The following C2CD2 variants were observed in gnomAD, a reference collection of about 807,000 sequenced individuals.
C2CD2 encodes the protein C2 domain-containing protein 2.
C2CD2 carries 43 observed loss-of-function variants against 74.3 expected under a neutral mutation model. That is an observed-to-expected ratio of 0.58 (90% CI 0.45 to 0.75). The LOEUF (loss-of-function observed/expected upper bound fraction) is 0.75, where lower values mean the gene tolerates loss of function less well. Among genes scored for constraint, C2CD2 ranks in the 30% least tolerant of loss-of-function variants. The probability of loss-of-function intolerance (pLI) is 0.00; values close to 1 mark genes in which losing one functional copy is unlikely to be tolerated. For missense variants in C2CD2, 801 were observed against 916.3 expected (o/e 0.87, Z 1.63); for synonymous variants, 422 against 390.7 (o/e 1.08, Z -0.94).
chr21:41,925,872 G>C (rs1039248270), intron 2 of C2CD2, among the ~76,000 whole-genome samples: 1 of 152,124 alleles, frequency 6.6e-6, no homozygotes, highest in Non-Finnish European at 1.5e-5. Context: ...CGAGTGGGTA[G>C]AGACCCTGAT....
At position 41,952,903 on chromosome 21, in the gene C2CD2, T is replaced by A. The variant is rs139431231; in HGVS notation, c.279+467A>T. On this transcript the variant is annotated intron_variant, in intron 1 of 13. Transcript: ENST00000380486. ...GCTGGCCCTCAGCAAACGGTCACTA[T>A]TTTTATATGCCAAGAAATGCAAGTC... 398 of 155,524 alleles carry A rather than the reference T, an allele frequency of 2.6e-3. 2 individuals carry two copies. The highest frequency in any genetic ancestry group is 9.3e-3 in the African/African-American group (387 of 41,732). 9.6% of individuals were successfully genotyped at this position (155,524 alleles called of 1,614,324 possible). A position where few individuals can be genotyped will look rare whatever the true frequency, so the allele number is the denominator to read the frequency against.
chr21:41,934,231 C>T (rs978501012), intron 2 of C2CD2, among the ~76,000 whole-genome samples: 1 of 151,982 alleles, frequency 6.6e-6, no homozygotes, highest in South Asian at 2.1e-4. Flanking sequence ...AGTTCAAGAC[C>T]AACCTGGGCT....
Position 41,926,215 on chromosome 21 carries a change from AT to A in C2CD2, c.379-4131del, listed in dbSNP as rs986385228. Among the ~76,000 whole-genome samples, 8 of 152,012 alleles carry A rather than the reference AT, an allele frequency of 5.3e-5. No homozygotes were observed. The highest frequency in any genetic ancestry group is 1.3e-4 in the Admixed American group (2 of 15,254). On this transcript the variant is annotated intron_variant, in intron 2 of 13. Coordinates refer to ENST00000380486, the MANE Select transcript of C2CD2 (RefSeq NM_015500.2). This position sits in a 1 kb window ranked among gnomAD's most constrained non-coding sequence, Gnocchi z 8.0. The stretch of plus-strand genomic sequence containing the variant: ...ATCCCCCAACCTGCATTTTTTTGAC[AT>A]TTTTTTTCCCCAAAACAAGCAAAGA...
rs2065218933 is a variant in C2CD2 at position 41,926,932 on chromosome 21, C to T, written c.379-4847G>A. 6.6e-6 allele frequency among the ~76,000 whole-genome samples: 1 copy of T among 152,136 alleles called. No individual in the cohort carries two copies. Among genetic ancestry groups the T allele is most frequent in the African/African-American group, 2.4e-5 (1 of 41,416 alleles). ...TCCCAAATAAAAGGAAGGCAAAGACCCTTCAGTAATCATCTGGATTTCCTA... is the reference window on the plus strand; with the variant it reads ...TCCCAAATAAAAGGAAGGCAAAGACTCTTCAGTAATCATCTGGATTTCCTA... On this transcript the variant is annotated intron_variant, in intron 2 of 13. Transcript: ENST00000380486. This position sits in a 1 kb window ranked among gnomAD's most constrained non-coding sequence, Gnocchi z 8.0.
At chr21:41,907,228 G>T in intron 9 of C2CD2, 62 bp from the exon 10 acceptor site, 1 of 1,279,042 alleles carries the variant, frequency 7.8e-7, no homozygotes, top group Non-Finnish European at 1.1e-6. Flanking sequence ...TGATCAGCCA[G>T]GTAACACTGC....
chr21:41,942,015 G>A, intron 2 of C2CD2, 132 bp downstream of exon 2: 2 of 1,197,326 alleles, frequency 1.7e-6, no homozygotes, highest in East Asian at 2.7e-5. Flanking sequence ...ATCAGCTGAT[G>A]GGCCAGATGG....
chr21:41,930,912 G>T (rs530518600), intron 2 of C2CD2, among the ~76,000 whole-genome samples: 10 of 150,048 alleles, frequency 6.7e-5, no homozygotes, highest in Middle Eastern at 6.8e-3. Flanking sequence ...ACGTGCCAGG[G>T]AAGGGCTGTG....
chr21:41,949,555 G>C (rs2065433017), intron 1 of C2CD2, among the ~76,000 whole-genome samples: 1 of 152,178 alleles, frequency 6.6e-6, no homozygotes, highest in South Asian at 2.1e-4. Context: ...GTGTAAATTA[G>C]TTCAACCATT....
At chr21:41,912,929 C>G (rs956563787) in intron 6 of C2CD2, among the ~76,000 whole-genome samples, 2 of 152,218 alleles carry the variant, frequency 1.3e-5, no homozygotes, top group African/African-American at 4.8e-5. Flanking sequence ...ATAGCACCAG[C>G]CTTTATTGGA....
intron 8 of C2CD2, 38 bp from the exon 9 acceptor site, chr21:41,907,822 G>A (rs1179106349): frequency 6.2e-7 from 1 of 1,613,188 alleles, no homozygotes. Flanking sequence ...TGCCGCTGAT[G>A]TTTCCCGGGC....
At chr21:41,937,118 A>AT (rs765087641) in intron 2 of C2CD2, among the ~76,000 whole-genome samples, 339 of 124,110 alleles carry the variant, frequency 2.7e-3, no homozygotes, top group African/African-American at 9.6e-3. Flanking sequence ...CGCACCCAGC[A>AT]TTTTTTTTTC....
At chr21:41,898,402 C>T (rs2064849413) in intron 13 of C2CD2, among the ~76,000 whole-genome samples, 1 of 152,186 alleles carries the variant, frequency 6.6e-6, no homozygotes, top group Non-Finnish European at 1.5e-5. Context: ...ATGTCCTTAG[C>T]AAATACATTC....
At chr21:41,950,989 C>T (rs965888180) in intron 1 of C2CD2, among the ~76,000 whole-genome samples, 1 of 152,084 alleles carries the variant, frequency 6.6e-6, no homozygotes, top group Non-Finnish European at 1.5e-5. Flanking sequence ...CTGTAGCTGT[C>T]CAGGCGAGAG....
chr21:41,935,120 G>C (rs1359256017), intron 2 of C2CD2, among the ~76,000 whole-genome samples: 1 of 152,154 alleles, frequency 6.6e-6, no homozygotes, highest in Admixed American at 6.5e-5. Flanking sequence ...TCGAACTCCT[G>C]ACCTCGTGAT....
Position 41,920,736 on chromosome 21 carries a change from A to G in C2CD2, c.492+1236T>C, listed in dbSNP as rs775024527. On this transcript the variant is annotated intron_variant, in intron 3 of 13. Transcript: ENST00000380486. ...CACATATTGGTTCCTAACTGTGTTAACAGATCAAAGATACAATTGTGTTCC... is the reference window on the plus strand; with the variant it reads ...CACATATTGGTTCCTAACTGTGTTAGCAGATCAAAGATACAATTGTGTTCC... 4.9e-4 allele frequency among the ~76,000 whole-genome samples: 74 copies of G among 152,352 alleles called. 1 individual carries two copies. The highest frequency in any genetic ancestry group is 1.9e-4 in the East Asian group (1 of 5,190).
rs575645143 is a variant in C2CD2 at position 41,907,020 on chromosome 21, G to A, written c.1290C>T (p.Asp430=). Residue 430 remains aspartate (D), a synonymous_variant, in exon 10 of 14, where the codon GAC becomes GAT. Coordinates refer to ENST00000380486, the MANE Select transcript of C2CD2 (RefSeq NM_015500.2). ...AGCTCAGCGGGGACGCCCTCCCCAC[G>A]TCGACGCGAGGCTTGGTCTTCACAG... The part of the protein sequence containing the change: ...VTAVKTKPRV[D]VGRASPLSSD... 1.4e-5 allele frequency: 22 copies of A among 1,613,994 alleles called. No homozygotes were observed. The highest frequency in any genetic ancestry group is 5.5e-5 in the South Asian group (5 of 91,078).
chr21:41,924,924 A>G lies in C2CD2; in HGVS notation c.379-2839T>C, dbSNP rs1387819154. Among the ~76,000 whole-genome samples the G allele has an allele frequency of 6.6e-6, 1 of 152,246 alleles. No homozygotes were observed. Among genetic ancestry groups the G allele is most frequent in the East Asian group, 1.9e-4 (1 of 5,202 alleles). On this transcript the variant is annotated intron_variant, in intron 2 of 13. Coordinates refer to ENST00000380486, the MANE Select transcript of C2CD2 (RefSeq NM_015500.2). The surrounding 1 kb of genome is among the most constrained non-coding windows in gnomAD (Gnocchi z 4.4). Reference sequence around the variant, plus strand: ...AGAACCAAGCACTTGATTAAAAGCAAGCAAATAAATAAGTAAATAGATAAA... The same window carrying G: ...AGAACCAAGCACTTGATTAAAAGCAGGCAAATAAATAAGTAAATAGATAAA...
chr21:41,886,821 C>A lies in C2CD2; in HGVS notation c.*2303G>T, dbSNP rs1212297899. The A allele has an allele frequency of 2.6e-5, 4 of 152,068 alleles. No individual in the cohort carries two copies. Among genetic ancestry groups the A allele is most frequent in the African/African-American group, 9.7e-5 (4 of 41,392 alleles). The allele number at this position is 152,068 out of a possible 1,614,324, so 9.4% of individuals were successfully genotyped here. ...CCAACATGGTGAGACTCCATTTCTA[C>A]TAAATAGAATTAGCCAGGTGTGGTG... is the stretch of plus-strand genomic sequence containing the variant. On this transcript the variant is annotated 3_prime_UTR_variant, in exon 14 of 14. Coordinates refer to ENST00000380486, the MANE Select transcript of C2CD2 (RefSeq NM_015500.2).
rs1286046086 is a variant in C2CD2 at position 41,892,699 on chromosome 21, T to C, written c.1871-3355A>G. ...TTCCCAGGTCTTTTGAACATGCAGCTGGGGTTATCCACTGCTAGCCCGGGT... is the reference window on the plus strand; with the variant it reads ...TTCCCAGGTCTTTTGAACATGCAGCCGGGGTTATCCACTGCTAGCCCGGGT... On this transcript the variant is annotated intron_variant, in intron 13 of 13. Coordinates refer to ENST00000380486, the MANE Select transcript of C2CD2 (RefSeq NM_015500.2). The surrounding 1 kb of genome is among the most constrained non-coding windows in gnomAD (Gnocchi z 4.6). Among the ~76,000 whole-genome samples the C allele has an allele frequency of 6.6e-6, 1 of 152,224 alleles. No homozygotes were observed. The highest frequency in any genetic ancestry group is 1.5e-5 in the Non-Finnish European group (1 of 68,036).
Sources: allele counts gnomAD v4.1 joint callset (sites outside exome capture counted in the v4.1 genomes callset), GRCh38; gene constraint gnomAD v4.1.1; non-coding constraint Gnocchi (gnomAD v3.1); transcripts MANE v1.5; gene names NCBI Gene and HGNC (gene_info 2026-07-23, HGNC 2026-07-21).